Variants in SLC22A23 observed in about 807,000 individuals in gnomAD.
SLC22A23 encodes solute carrier family 22 member 23, also known as ion transporter protein.
A neutral mutation model predicts 61.0 loss-of-function variants in SLC22A23; 26 were observed. The observed-to-expected ratio is 0.43, with a 90% CI of 0.31 to 0.59. The LOEUF is 0.59. Among genes scored for constraint, SLC22A23 ranks in the 20% least tolerant of loss-of-function variants. The probability of loss-of-function intolerance (pLI) is 0.11; values close to 1 mark genes in which losing one functional copy is unlikely to be tolerated. For missense variants in SLC22A23, 796 were observed against 934.7 expected, an observed-to-expected ratio of 0.85 and a Z score of 1.94; for synonymous variants, 430 against 413.9, an observed-to-expected ratio of 1.04 and a Z score of -0.47.
chr6:3,344,302 A>T (rs528155143), intron 3 of SLC22A23, among the ~76,000 whole-genome samples: 6 of 152,342 alleles, frequency 3.9e-5, no homozygotes, highest in East Asian at 3.9e-4. Flanking sequence ...CAAATTTTTT[A>T]AAAAAGTAGT....
At chr6:3,274,528 T>A (rs1275523940) in intron 9 of SLC22A23, among the ~76,000 whole-genome samples, 3 of 152,154 alleles carry the variant, frequency 2.0e-5, no homozygotes, top group African/African-American at 7.2e-5. Context: ...CTGCTGAGGC[T>A]GAGTGGGCTG....
In SLC22A23 at chr6:3,328,788, G is replaced by A. The variant is rs534225351; in HGVS notation, c.914-4786C>T. Among the ~76,000 whole-genome samples the A allele has an allele frequency of 2.0e-5, 3 of 152,222 alleles. No homozygotes were observed. The highest frequency in any genetic ancestry group is 7.2e-5 in the African/African-American group (3 of 41,522). On this transcript the variant is annotated intron_variant, in intron 3 of 9. Coordinates refer to ENST00000406686, the MANE Select transcript of SLC22A23 (RefSeq NM_015482.2). This position sits in a 1 kb window ranked among gnomAD's most constrained non-coding sequence, Gnocchi z 5.0. ...CGCAGAAAATCTCTAAATATCTCCT[G>A]TTGTTTCCTCTTCTCTGGTTGAACT... is the stretch of plus-strand genomic sequence containing the variant.
At chr6:3,404,216 T>TC (rs1207762105) in intron 3 of SLC22A23, among the ~76,000 whole-genome samples, 3 of 123,778 alleles carry the variant, frequency 2.4e-5, no homozygotes, top group African/African-American at 1.2e-4. Context: ...TGGACATAGA[T>TC]CTACCTTCAC....
At chr6:3,276,358 A>C (rs891483688) in intron 9 of SLC22A23, among the ~76,000 whole-genome samples, 8 of 152,178 alleles carry the variant, frequency 5.3e-5, no homozygotes, top group Non-Finnish European at 1.0e-4. Context: ...CCCATGACCA[A>C]GTCCTCAGGG....
chr6:3,284,837 C>CG, intron 8 of SLC22A23: 2 of 1,411,934 alleles, frequency 1.4e-6, no homozygotes, highest in Non-Finnish European at 9.7e-7. Flanking sequence ...GGGGAAGGGG[C>CG]GGGGGCATGC....
At chr6:3,331,254 T>G (rs1487389685) in intron 3 of SLC22A23, among the ~76,000 whole-genome samples, 1 of 152,256 alleles carries the variant, frequency 6.6e-6, no homozygotes, top group Non-Finnish European at 1.5e-5. Context: ...TGGCCTCCTC[T>G]GTGCCCCACC....
Position 3,324,217 on chromosome 6 carries a change from C to T in SLC22A23, c.914-215G>A, listed in dbSNP as rs1763144648. 3.4e-6 allele frequency: 2 copies of T among 584,730 alleles called. No individual in the cohort carries two copies. Among genetic ancestry groups the T allele is most frequent in the Non-Finnish European group, 6.0e-6 (2 of 330,666 alleles). The allele number at this position is 584,730 out of a possible 1,614,324, so 36.2% of individuals were successfully genotyped here. ...GAAGTGAGACGGTTGTTCAAGGCCA[C>T]AGGGCTAGTCGATGACGAAGGGATG... On this transcript the variant is annotated intron_variant, in intron 3 of 9. Transcript: ENST00000406686. The surrounding 1 kb of genome is among the most constrained non-coding windows in gnomAD (Gnocchi z 4.3).
At chr6:3,434,821 C>T (rs1248755177) in intron 1 of SLC22A23, among the ~76,000 whole-genome samples, 1 of 152,100 alleles carries the variant, frequency 6.6e-6, no homozygotes, top group Non-Finnish European at 1.5e-5. Flanking sequence ...TGATCGTATC[C>T]TCCCTTGTGC....
chr6:3,331,387 C>T (rs1474800177), intron 3 of SLC22A23, among the ~76,000 whole-genome samples: 6 of 152,164 alleles, frequency 3.9e-5, no homozygotes, highest in African/African-American at 1.2e-4. Flanking sequence ...TAAATGTGAA[C>T]ATTTTTTCCT....
chr6:3,437,530 TA>T (rs1050898677), intron 1 of SLC22A23, among the ~76,000 whole-genome samples: 10 of 149,694 alleles, frequency 6.7e-5, no homozygotes, highest in African/African-American at 9.8e-5. Flanking sequence ...AAAAAAAAAT[TA>T]AAAAAAAATT....
At chr6:3,294,564 T>G (rs903495361) in intron 5 of SLC22A23, among the ~76,000 whole-genome samples, 2 of 152,204 alleles carry the variant, frequency 1.3e-5, no homozygotes, top group African/African-American at 4.8e-5. Context: ...GTGCCGTGTG[T>G]GGCACTCATC....
rs115905192 is a variant in SLC22A23 at position 3,393,885 on chromosome 6, G to A, written c.913+16303C>T. Among the ~76,000 whole-genome samples, 626 of 152,348 alleles carry A rather than the reference G, an allele frequency of 4.1e-3. 2 individuals are homozygous for A. Among genetic ancestry groups the A allele is most frequent in the Non-Finnish European group, 5.9e-3 (402 of 68,038 alleles). On this transcript the variant is annotated intron_variant, in intron 3 of 9. Transcript: ENST00000406686. ...CGGCCTCTCAGGCCCTGGAGATGGT[G>A]TGGCTTCTCCCTGTGCCCTTCCCTC...
At chr6:3,315,138 C>T (rs551243800) in intron 4 of SLC22A23, among the ~76,000 whole-genome samples, 152 of 147,474 alleles carry the variant, frequency 1.0e-3, no homozygotes, top group Middle Eastern at 3.4e-3. Context: ...ACTAGGTGTG[C>T]ACCTGATTAA....
intron 3 of SLC22A23, among the ~76,000 whole-genome samples, chr6:3,357,764 G>A (rs1385114485): frequency 1.3e-5 from 2 of 152,200 alleles, no homozygotes; most frequent in African/African-American, 4.8e-5. Context: ...CACCATGCCA[G>A]GGGAGATGCC....
intron 3 of SLC22A23, among the ~76,000 whole-genome samples, chr6:3,383,563 T>C (rs985369858): frequency 6.6e-6 from 1 of 152,232 alleles, no homozygotes; most frequent in Non-Finnish European, 1.5e-5. Flanking sequence ...TGGAGAGTGC[T>C]ACAGGCACAC....
chr6:3,431,194 G>GA (rs761759876), intron 1 of SLC22A23, among the ~76,000 whole-genome samples: 3 of 152,238 alleles, frequency 2.0e-5, no homozygotes, highest in Non-Finnish European at 2.9e-5. Flanking sequence ...CACTGAGTGA[G>GA]ATGGGCGTGG....
At chr6:3,290,676 G>T (rs1260474071) in intron 5 of SLC22A23, 1 of 152,684 alleles carries the variant, frequency 6.5e-6, no homozygotes, top group African/African-American at 2.4e-5. Context: ...CAAGGGGTCT[G>T]CAGAGGTGCT....
At chr6:3,364,605 G>A (rs534730661) in intron 3 of SLC22A23, among the ~76,000 whole-genome samples, 70 of 152,344 alleles carry the variant, frequency 4.6e-4, no homozygotes, top group Non-Finnish European at 8.5e-4. Flanking sequence ...ATTGGGAAGT[G>A]ATCCTATTGC....
chr6:3,360,857 C>T lies in SLC22A23; in HGVS notation c.914-36855G>A, dbSNP rs1017791634. Among the ~76,000 whole-genome samples the T allele has an allele frequency of 4.6e-5, 7 of 152,262 alleles. No individual in the cohort carries two copies. The highest frequency in any genetic ancestry group is 3.9e-4 in the East Asian group (2 of 5,180). On this transcript the variant is annotated intron_variant, in intron 3 of 9. Coordinates refer to ENST00000406686, the MANE Select transcript of SLC22A23 (RefSeq NM_015482.2). This position sits in a 1 kb window ranked among gnomAD's most constrained non-coding sequence, Gnocchi z 4.6. ...CATCCAGGGCGGGAACGGGATTGGA[C>T]GAAGCCTTCCCTCGGGCAAAGATGC...
Sources: gnomAD v4.1 joint callset for allele counts (sites outside exome capture counted in the v4.1 genomes callset) on GRCh38, gnomAD v4.1.1 for gene constraint, Gnocchi (gnomAD v3.1) non-coding constraint, MANE v1.5 for transcripts, NCBI Gene and HGNC (gene_info 2026-07-23, HGNC 2026-07-21) for gene names.